ADGRG6: variants seen among roughly 807,000 people sequenced by gnomAD.
ADGRG6 encodes the protein adhesion G protein-coupled receptor G6.
A neutral mutation model predicts 142.4 loss-of-function variants in ADGRG6; 84 were observed. The ratio of observed to expected loss-of-function variants is 0.59; its 90% CI spans 0.49 to 0.71. The LOEUF (loss-of-function observed/expected upper bound fraction) is 0.71. Among genes scored for constraint, ADGRG6 ranks in the 30% least tolerant of loss-of-function variants. ADGRG6 has a pLI of 0.00. For missense variants in ADGRG6, 1,367 were observed against 1,466.6 expected (o/e 0.93, Z 1.11); for synonymous variants, 521 against 520.5 (o/e 1.00, Z -0.01).
chr6:142,315,485 A>C lies in ADGRG6; in HGVS notation c.103+5841A>C, dbSNP rs551746835. Among the ~76,000 whole-genome samples the C allele has an allele frequency of 8.5e-5, 13 of 152,254 alleles. No individual in the cohort carries two copies. In the South Asian group the frequency reaches 2.7e-3, roughly 32 times the overall value. ...GAGGAAGGTTTTGAGGTTAGATGAG[A>C]AAAGTGTATTAATCCCACAATGAGG... On this transcript the variant is annotated intron_variant, in intron 2 of 24. Coordinates refer to ENST00000367609, the MANE Select transcript of ADGRG6 (RefSeq NM_198569.3).
chr6:142,411,165 C>A, intron 17 of ADGRG6, 140 bp from the exon 18 acceptor site: 1 of 539,306 alleles, frequency 1.9e-6, no homozygotes. Flanking sequence ...GCATTGAAAA[C>A]TTTCATAATG....
chr6:142,436,841 T>A (rs1479717407), intron 22 of ADGRG6, among the ~76,000 whole-genome samples: 1 of 152,148 alleles, frequency 6.6e-6, no homozygotes, highest in Non-Finnish European at 1.5e-5. Context: ...TGTTTCTCAT[T>A]ATGGAAATAT....
chr6:142,426,631 G>C (rs937412177), intron 22 of ADGRG6, among the ~76,000 whole-genome samples: 4 of 152,178 alleles, frequency 2.6e-5, no homozygotes, highest in African/African-American at 9.7e-5. Context: ...CCACTAGATG[G>C]CACCCCAGTA....
intron 2 of ADGRG6, among the ~76,000 whole-genome samples, chr6:142,345,554 T>C (rs1192077969): frequency 6.6e-6 from 1 of 152,244 alleles, no homozygotes; most frequent in East Asian, 1.9e-4. Flanking sequence ...AGTGGGTGTT[T>C]CTGACATGCA....
rs1274242250 is a variant in ADGRG6, at chr6:142,318,792, C to T, written c.103+9148C>T. The stretch of plus-strand genomic sequence containing the variant: ...GCTTTGTAGAAGCATGCATATTTCT[C>T]ATTACTAGAATAAAGGGTCTCTGCA... On this transcript the variant is annotated intron_variant, in intron 2 of 24. Transcript: ENST00000367609. 9.9e-5 allele frequency among the ~76,000 whole-genome samples: 15 copies of T among 151,906 alleles called. No homozygotes were observed. In the Admixed American group the frequency reaches 9.9e-4, roughly 10 times the overall value.
At chr6:142,385,999 C>T (rs1440824612) in intron 6 of ADGRG6, among the ~76,000 whole-genome samples, 1 of 152,100 alleles carries the variant, frequency 6.6e-6, no homozygotes, top group African/African-American at 2.4e-5. Flanking sequence ...TTGTCCATTC[C>T]TTTTAACTCT....
intron 1 of ADGRG6, chr6:142,302,545 G>GT (rs138959848): frequency 1.9e-4 from 99 of 528,702 alleles, no homozygotes; most frequent in Middle Eastern, 1.4e-3. Flanking sequence ...GTGTGTGGCT[G>GT]TTTTTTTTCC....
intron 19 of ADGRG6, 136 bp downstream of exon 19, chr6:142,415,232 T>C (rs997539094): frequency 1.0e-5 from 5 of 490,794 alleles, no homozygotes; most frequent in Non-Finnish European, 1.7e-5. Context: ...ATAAAATATA[T>C]TATGTAACAT....
At chr6:142,318,094 ATATATATTT>A (rs1562306973) in intron 2 of ADGRG6, among the ~76,000 whole-genome samples, 4 of 774 alleles carry the variant, frequency 5.2e-3, no homozygotes, top group South Asian at 0.17. Context: ...TATTTATATT[ATATATATTT>A]ATATATATTA....
chr6:142,389,485 T>C (rs187269042), intron 6 of ADGRG6, among the ~76,000 whole-genome samples: 1 of 152,096 alleles, frequency 6.6e-6, no homozygotes, highest in East Asian at 1.9e-4. Flanking sequence ...CATTTACAGC[T>C]ATTTAGCAAA....
intron 2 of ADGRG6, among the ~76,000 whole-genome samples, chr6:142,310,156 C>G (rs1332559477): frequency 6.6e-6 from 1 of 151,620 alleles, no homozygotes; most frequent in Admixed American, 6.6e-5. Flanking sequence ...ATTTTAATTA[C>G]AGCATTTTTG....
Position 142,383,778 on chromosome 6 carries a change from G to C in ADGRG6, c.1157G>C (p.Ser386Thr), listed in dbSNP as rs1292567314. ...TTACCAGCTACTGTAAACTCTCCTAGTACTACACCACCCACTGTCACCACT... is the reference window on the plus strand; with the variant it reads ...TTACCAGCTACTGTAAACTCTCCTACTACTACACCACCCACTGTCACCACT... ...TLCQATVNSP[S>T]TTPPTVTTNM... Residue 386 changes from serine (S) to threonine (T), a missense_variant, in exon 6 of 25, where the codon AGT (serine) becomes ACT (threonine). By Grantham distance (58) the Ser-to-Thr change is moderately conservative (BLOSUM62 1). Around this residue, in one of 3 missense-constraint regions of ADGRG6, gnomAD observed 737 missense variants for 746.5 expected, o/e 0.99. Transcript: ENST00000367609. 6.4e-7 allele frequency: 1 copy of C among 1,562,220 alleles called. No individual in the cohort carries two copies.
At chr6:142,319,918 A>G (rs545675687) in intron 2 of ADGRG6, among the ~76,000 whole-genome samples, 176 of 152,294 alleles carry the variant, frequency 1.2e-3, no homozygotes, top group African/African-American at 4.0e-3. Flanking sequence ...TAGTGCTGTA[A>G]GTAACAACTT....
chr6:142,411,636 A>G (rs1046062465), intron 18 of ADGRG6, among the ~76,000 whole-genome samples: 1 of 152,058 alleles, frequency 6.6e-6, no homozygotes, highest in Non-Finnish European at 1.5e-5. Flanking sequence ...TTTTTCCTGT[A>G]GCATTAACAG....
chr6:142,310,217 C>T (rs1457342277), intron 2 of ADGRG6, among the ~76,000 whole-genome samples: 2 of 151,612 alleles, frequency 1.3e-5, no homozygotes, highest in African/African-American at 4.8e-5. Context: ...GAAATAAGAT[C>T]TTGGTGGCTG....
At chr6:142,423,394 T>C (rs1371387151) in intron 22 of ADGRG6, among the ~76,000 whole-genome samples, 12 of 152,128 alleles carry the variant, frequency 7.9e-5, no homozygotes, top group Non-Finnish European at 1.8e-4. Flanking sequence ...GGCTAGCCAA[T>C]TTTCCCAGCA....
chr6:142,318,979 TGCAGATGAA>T (rs1327720848), intron 2 of ADGRG6, among the ~76,000 whole-genome samples: 1 of 152,084 alleles, frequency 6.6e-6, no homozygotes, highest in Non-Finnish European at 1.5e-5. Flanking sequence ...TTTGTGCAAT[TGCAGATGAA>T]GATGAATGCT....
chr6:142,307,973 C>T (rs1319167663), intron 1 of ADGRG6, among the ~76,000 whole-genome samples: 1 of 151,884 alleles, frequency 6.6e-6, no homozygotes, highest in African/African-American at 2.4e-5. Flanking sequence ...CATGAATAAC[C>T]AATTTCATTT....
At chr6:142,411,821 A>G (rs1447035038) in intron 18 of ADGRG6, among the ~76,000 whole-genome samples, 1 of 152,000 alleles carries the variant, frequency 6.6e-6, no homozygotes, top group Non-Finnish European at 1.5e-5. Flanking sequence ...AATCAAAAAA[A>G]TTTTTCTTAT....
Sources: gnomAD v4.1 joint callset for allele counts (sites outside exome capture counted in the v4.1 genomes callset) on GRCh38, gnomAD v4.1.1 for gene constraint, gnomAD v4.1.1 regional missense constraint, MANE v1.5 for transcripts, NCBI Gene and HGNC (gene_info 2026-07-23, HGNC 2026-07-21) for gene names.